LCORL: variants seen among roughly 807,000 people sequenced by gnomAD.
LCORL encodes ligand dependent nuclear receptor corepressor like.
A neutral mutation model predicts 141.8 loss-of-function variants in LCORL; 41 were observed. That is an observed-to-expected ratio of 0.29 (90% CI 0.23 to 0.38). The LOEUF (loss-of-function observed/expected upper bound fraction) is 0.38, where lower values mean the gene tolerates loss of function less well. Among genes scored for constraint, LCORL ranks in the 10% least tolerant of loss-of-function variants. LCORL has a pLI of 1.00. For missense variants in LCORL, 1,759 were observed against 2,035.0 expected (o/e 0.86, Z 2.61); for synonymous variants, 618 against 694.1 (o/e 0.89, Z 1.72).
intron 6 of LCORL, chr4:17,883,298 G>T (rs989532458): frequency 2.8e-5 from 28 of 991,944 alleles, no homozygotes; most frequent in Non-Finnish European, 3.2e-5. Context: ...TGTATAGAAT[G>T]TTTATAAACT....
At chr4:17,881,317 A>T (rs1264257651) in intron 6 of LCORL, 1 of 981,358 alleles carries the variant, frequency 1.0e-6, no homozygotes, top group Non-Finnish European at 1.2e-6. Context: ...GTACTTTGAA[A>T]GTTTAACATA....
Position 18,001,545 on chromosome 4 carries a change from T to C in LCORL, c.154+20053A>G, listed in dbSNP as rs542867533. On this transcript the variant is annotated intron_variant, in intron 1 of 7. Coordinates refer to ENST00000635767, the Ensembl canonical transcript of LCORL. ...ATTTGAATTTAGAAAAGTTATTCAA[T>C]AAAAGAACTTAAAAAAAGAAGTCAA... 3.3e-5 allele frequency among the ~76,000 whole-genome samples: 5 copies of C among 151,946 alleles called. No individual in the cohort carries two copies. The South Asian group carries it at 8.3e-4, about 25-fold the overall frequency.
At chr4:17,987,613 C>T (rs1417172695) in intron 1 of LCORL, among the ~76,000 whole-genome samples, 2 of 152,086 alleles carry the variant, frequency 1.3e-5, no homozygotes, top group East Asian at 3.9e-4. Context: ...TTAAAAAAAA[C>T]TGACAAACTG....
intron 2 of LCORL, among the ~76,000 whole-genome samples, chr4:17,965,803 G>A (rs2109625387): frequency 6.6e-6 from 1 of 152,216 alleles, no homozygotes; most frequent in Non-Finnish European, 1.5e-5. Context: ...TAAAGCATGT[G>A]TGAAACACCT....
intron 4 of LCORL, chr4:17,912,463 G>A (rs529451051): frequency 1.1e-4 from 59 of 555,792 alleles, no homozygotes; most frequent in Admixed American, 3.2e-4. Flanking sequence ...GGCCCAATAC[G>A]ATGAGCTGGC....
chr4:17,871,711 G>A (rs941888602), intron 7 of LCORL, among the ~76,000 whole-genome samples: 2 of 151,310 alleles, frequency 1.3e-5, no homozygotes, highest in Non-Finnish European at 3.0e-5. Context: ...ATTTTCAGAT[G>A]AATTATAATA....
Position 17,983,118 on chromosome 4 carries a change from G to A in LCORL, c.155-10233C>T, listed in dbSNP as rs1718316716. 2.6e-5 allele frequency among the ~76,000 whole-genome samples: 4 copies of A among 152,176 alleles called. No homozygotes were observed. In the South Asian group the frequency reaches 8.3e-4, roughly 32 times the overall value. ...CTGTGCTCTCTATTCCATCCAATTG[G>A]TCTATATGTCTAGTTCTGTATCAGT... On this transcript the variant is annotated intron_variant, in intron 1 of 7. Transcript: ENST00000635767.
At chr4:17,852,738 A>G (rs1326929899) in intron 7 of LCORL, among the ~76,000 whole-genome samples, 1 of 152,190 alleles carries the variant, frequency 6.6e-6, no homozygotes, top group Admixed American at 6.5e-5. Flanking sequence ...AAGTTTACAG[A>G]GTATGTGCAT....
chr4:17,898,004 G>GT (rs1442382692), intron 5 of LCORL, among the ~76,000 whole-genome samples: 1 of 152,084 alleles, frequency 6.6e-6, no homozygotes, highest in Non-Finnish European at 1.5e-5. Flanking sequence ...GGTTTGCACT[G>GT]CGTTTCCAAT....
chr4:17,870,548 T>C (rs182128803), intron 7 of LCORL, among the ~76,000 whole-genome samples: 44 of 152,320 alleles, frequency 2.9e-4, no homozygotes, highest in African/African-American at 1.0e-3. Context: ...TGGAATTGGC[T>C]ATCCATTTTT....
chr4:17,943,548 T>C (rs968370785), intron 4 of LCORL, among the ~76,000 whole-genome samples: 2 of 152,232 alleles, frequency 1.3e-5, no homozygotes, highest in Non-Finnish European at 1.5e-5. Context: ...GTTCAAAGGC[T>C]GGCAAGAATG....
exon 7 of LCORL, chr4:17,875,832 A>G: frequency 2.4e-6 from 3 of 1,231,198 alleles, no homozygotes; most frequent in Non-Finnish European, 3.0e-6. Flanking sequence ...ATCACTATTT[A>G]TATCACCTAT....
At chr4:17,878,647 A>G (rs954564712) in intron 6 of LCORL, among the ~76,000 whole-genome samples, 1 of 151,318 alleles carries the variant, frequency 6.6e-6, no homozygotes, top group Admixed American at 6.6e-5. Flanking sequence ...TTTAAAATAG[A>G]TATTTTTTCC....
chr4:17,959,154 A>G (rs1459686999), intron 4 of LCORL, among the ~76,000 whole-genome samples: 1 of 152,088 alleles, frequency 6.6e-6, no homozygotes, highest in Non-Finnish European at 1.5e-5. Context: ...ATTAAGCACT[A>G]TAAGGGAATT....
chr4:17,883,667 C>G, intron 6 of LCORL: 1 of 1,403,800 alleles, frequency 7.1e-7, no homozygotes, highest in Non-Finnish European at 9.3e-7. Context: ...CATACACACA[C>G]ACGCAAACAC....
intron 4 of LCORL, among the ~76,000 whole-genome samples, chr4:17,951,176 T>C (rs1739669805): frequency 6.6e-6 from 1 of 152,204 alleles, no homozygotes; most frequent in African/African-American, 2.4e-5. Flanking sequence ...AATCAATTAA[T>C]CAGACATTTT....
intron 6 of LCORL, chr4:17,883,647 C>G: frequency 6.9e-7 from 1 of 1,439,962 alleles, no homozygotes; most frequent in Non-Finnish European, 9.1e-7. Context: ...CACAAATACA[C>G]ACCTGTGCAC....
Position 17,984,520 on chromosome 4 carries a change from T to C in LCORL, c.155-11635A>G, listed in dbSNP as rs1349914219. ...ATGGGGGGGTATATGTGGCCAGAAA[T>C]TTATCCATCTTCTCTAGGTTTTCTA... On this transcript the variant is annotated intron_variant, in intron 1 of 7. Transcript: ENST00000635767. Among the ~76,000 whole-genome samples the C allele has an allele frequency of 2.6e-5, 4 of 152,190 alleles. No individual in the cohort carries two copies. In the East Asian group the frequency reaches 7.7e-4, roughly 29 times the overall value.
chr4:17,986,972 C>G (rs1364381386), intron 1 of LCORL, among the ~76,000 whole-genome samples: 1 of 151,648 alleles, frequency 6.6e-6, no homozygotes, highest in African/African-American at 2.4e-5. Flanking sequence ...TTGTTTTATG[C>G]TTTGTATATT....
Sources: allele counts gnomAD v4.1 joint callset (sites outside exome capture counted in the v4.1 genomes callset), GRCh38; gene constraint gnomAD v4.1.1; transcripts MANE v1.5; gene names NCBI Gene and HGNC (gene_info 2026-07-23, HGNC 2026-07-21).